PLEKHG1: variants seen among roughly 807,000 people sequenced by gnomAD.
PLEKHG1 encodes pleckstrin homology and RhoGEF domain containing G1.
In PLEKHG1, 44 loss-of-function variants were observed where a neutral mutation model predicts 100.8. The ratio of observed to expected loss-of-function variants is 0.44; its 90% CI spans 0.34 to 0.56. The LOEUF (loss-of-function observed/expected upper bound fraction) is 0.56, where lower values mean the gene tolerates loss of function less well. PLEKHG1 is among the 20% of genes least tolerant of loss of function. The probability of loss-of-function intolerance (pLI) is 0.01; values close to 1 mark genes in which losing one functional copy is unlikely to be tolerated. For synonymous variants in PLEKHG1, 640 were observed against 662.5 expected, an observed-to-expected ratio of 0.97 and a Z score of 0.52; for missense variants, 1,545 against 1,720.9, an observed-to-expected ratio of 0.90 and a Z score of 1.81.
In PLEKHG1 at chr6:150,831,888, G is replaced by A. The variant is rs760640018; in HGVS notation, c.2777G>A (p.Gly926Asp). 1.2e-6 allele frequency: 2 copies of A among 1,613,982 alleles called. No homozygotes were observed. The highest frequency in any genetic ancestry group is 1.7e-6 in the Non-Finnish European group (2 of 1,179,896). The change falls in exon 15 of 16, where the codon GGC (glycine) becomes GAC (aspartate). Residue 926 changes from glycine (G) to aspartate (D), a missense_variant. Physicochemically the swap from Gly to Asp is moderately conservative, Grantham distance 94. Coordinates refer to ENST00000358517, the Ensembl canonical transcript of PLEKHG1. This position sits in a 1 kb window ranked among gnomAD's most constrained non-coding sequence, Gnocchi z 4.1. ...GAGGAAGACCTGATTTCTAAAGAAG[G>A]CTCCTTTATGAGCCTTAACCGGCTT...
intron 2 of PLEKHG1, among the ~76,000 whole-genome samples, chr6:150,645,254 G>GCT (rs1778445523): frequency 6.6e-6 from 1 of 152,074 alleles, no homozygotes; most frequent in Non-Finnish European, 1.5e-5. Flanking sequence ...TGGGGTAATT[G>GCT]GTTATCCTTA....
chr6:150,703,266 C>G (rs1278522518), intron 3 of PLEKHG1, among the ~76,000 whole-genome samples: 1 of 152,140 alleles, frequency 6.6e-6, no homozygotes, highest in Non-Finnish European at 1.5e-5. Context: ...TTCTTAGATT[C>G]TGACTTGCTT....
chr6:150,757,676 A>T (rs1783918213), intron 2 of PLEKHG1, among the ~76,000 whole-genome samples: 1 of 152,126 alleles, frequency 6.6e-6, no homozygotes, highest in South Asian at 2.1e-4. Context: ...AGCCATAGTG[A>T]TAGGGATTCT....
intron 2 of PLEKHG1, among the ~76,000 whole-genome samples, chr6:150,751,210 C>T (rs1013746957): frequency 2.0e-5 from 3 of 151,868 alleles, no homozygotes; most frequent in Non-Finnish European, 2.9e-5. Context: ...ATTTACCTGA[C>T]GTGTCTTCAT....
intron 3 of PLEKHG1, among the ~76,000 whole-genome samples, chr6:150,676,918 C>CAGAG (rs1779775612): frequency 6.6e-6 from 1 of 152,074 alleles, no homozygotes; most frequent in African/African-American, 2.4e-5. Context: ...CTCCCTCCTC[C>CAGAG]CTCTCCTTCA....
At chr6:150,661,970 G>A (rs1327676673) in intron 3 of PLEKHG1, among the ~76,000 whole-genome samples, 2 of 152,164 alleles carry the variant, frequency 1.3e-5, no homozygotes, top group Non-Finnish European at 2.9e-5. Context: ...ATAAGGTAGA[G>A]GCCAGGATCC....
chr6:150,724,558 C>CTTTT lies in PLEKHG1; in HGVS notation c.-99+3374_-99+3377dup, dbSNP rs34140367. ...TTTCTTTCTTTTCTTTTTTCTTTTT[C>CTTTT]TTTTTTTTTTTTTTTTTTTGAGATG... On this transcript the variant is annotated intron_variant, in intron 1 of 15. Coordinates refer to ENST00000358517, the Ensembl canonical transcript of PLEKHG1. 5.9e-4 allele frequency among the ~76,000 whole-genome samples: 59 copies of CTTTT among 100,390 alleles called. 1 individual carries two copies. Among genetic ancestry groups the CTTTT allele is most frequent in the African/African-American group, 1.3e-3 (34 of 25,896 alleles). The allele number at this position is 100,390 out of a possible 152,430, so 65.9% of individuals were successfully genotyped here. A position where few individuals can be genotyped will look rare whatever the true frequency, so the allele number is the denominator to read the frequency against.
rs1786643214 is a variant in PLEKHG1 at position 150,800,714 on chromosome 6, T to G, written c.630-5T>G. Reference sequence around the variant, plus strand: ...TTTAGATAAAAACATGGACTCTTCCTGCAGGTCCGTGGCTGTGCTAACAGA... The same window carrying G: ...TTTAGATAAAAACATGGACTCTTCCGGCAGGTCCGTGGCTGTGCTAACAGA... On this transcript the variant is annotated splice_region_variant and splice_polypyrimidine_tract_variant and intron_variant, in intron 5 of 15. Coordinates refer to ENST00000358517, the Ensembl canonical transcript of PLEKHG1. 6.2e-7 allele frequency: 1 copy of G among 1,612,740 alleles called. No individual in the cohort carries two copies. Among genetic ancestry groups the G allele is most frequent in the East Asian group, 2.2e-5 (1 of 44,868 alleles).
At chr6:150,746,544 AC>A (rs1430882013) in intron 2 of PLEKHG1, among the ~76,000 whole-genome samples, 2 of 152,244 alleles carry the variant, frequency 1.3e-5, no homozygotes, top group African/African-American at 4.8e-5. Flanking sequence ...TTATAAGAAA[AC>A]AAAATGGCTT....
chr6:150,809,460 T>C lies in PLEKHG1; in HGVS notation c.1175T>C (p.Leu392Pro), dbSNP rs774591517. ...GTCTTCCACTACAAGAATCCCAAGC[T>C]GCAGCACACAGTCCAGGTAGCAGCC... The change falls in exon 9 of 16, where the codon CTG (leucine) becomes CCG (proline). Residue 392 changes from leucine to proline, a missense_variant. By Grantham distance (98) the Leu-to-Pro change is moderately conservative (BLOSUM62 -3). Transcript: ENST00000358517. 3 of 1,613,736 alleles carry C rather than the reference T, an allele frequency of 1.9e-6. No individual in the cohort carries two copies. In the South Asian group the frequency reaches 3.3e-5, roughly 18 times the overall value.
chr6:150,653,259 A>G (rs1172540933), intron 3 of PLEKHG1, among the ~76,000 whole-genome samples: 3 of 152,204 alleles, frequency 2.0e-5, no homozygotes, highest in African/African-American at 7.2e-5. Context: ...TATGGAACCT[A>G]GCTTGTATTA....
Position 150,634,785 on chromosome 6 carries a change from C to T in PLEKHG1, c.-203-3295C>T, listed in dbSNP as rs561254498. 2.0e-3 allele frequency among the ~76,000 whole-genome samples: 298 copies of T among 152,234 alleles called. 2 individuals carry two copies. Among genetic ancestry groups the T allele is most frequent in the African/African-American group, 6.9e-3 (286 of 41,538 alleles). On this transcript the variant is annotated intron_variant, in intron 1 of 3. Coordinates refer to the PLEKHG1 transcript ENST00000367326. ...GATTTTGTAGAGAACAGAACAAATG[C>T]TTGGAGATACGTCATCATTTTCATG... is the stretch of plus-strand genomic sequence containing the variant.
chr6:150,712,510 C>A (rs1186355353), intron 3 of PLEKHG1, among the ~76,000 whole-genome samples: 1 of 152,186 alleles, frequency 6.6e-6, no homozygotes, highest in African/African-American at 2.4e-5. Context: ...CTTCCTTTTT[C>A]TCTTCTTTCA....
At chr6:150,728,721 C>T (rs2128614256) in intron 1 of PLEKHG1, among the ~76,000 whole-genome samples, 1 of 152,182 alleles carries the variant, frequency 6.6e-6, no homozygotes. Context: ...CATGGTGAAA[C>T]CCCATCTCTA....
At chr6:150,748,598 CACTT>C (rs1049302289) in intron 2 of PLEKHG1, among the ~76,000 whole-genome samples, 14 of 148,474 alleles carry the variant, frequency 9.4e-5, no homozygotes, top group Non-Finnish European at 6.0e-5. Flanking sequence ...TCCTGGCTCT[CACTT>C]ACTACCTTTG....
Position 150,600,011 on chromosome 6 carries a change from T to C in PLEKHG1, c.-210T>C. The C allele has an allele frequency of 4.2e-6, 1 of 238,890 alleles. No individual in the cohort carries two copies. The highest frequency in any genetic ancestry group is 9.0e-6 in the Non-Finnish European group (1 of 111,002). The allele number at this position is 238,890 out of a possible 1,614,324, so 14.8% of individuals were successfully genotyped here. A position where few individuals can be genotyped will look rare whatever the true frequency, so the allele number is the denominator to read the frequency against. The stretch of plus-strand genomic sequence containing the variant: ...CCGCCCGGGCATGCGAAGCCGTCCC[T>C]CCCCGGGTAAGCGCCGGTCGGGCCC... On this transcript the variant is annotated 5_prime_UTR_variant, in exon 1 of 4. Coordinates refer to the PLEKHG1 transcript ENST00000367326. This position sits in a 1 kb window ranked among gnomAD's most constrained non-coding sequence, Gnocchi z 6.2.
Position 150,654,043 on chromosome 6 carries a change from T to A in PLEKHG1, c.-99+3257T>A, listed in dbSNP as rs77257989. On this transcript the variant is annotated intron_variant, in intron 3 of 3. Coordinates refer to the PLEKHG1 transcript ENST00000367326. ...AGATAATTTTCTGAACAAAATTGTC[T>A]CTACATTTTGTTCTGTGTGCCTTCT... Among the ~76,000 whole-genome samples the A allele has an allele frequency of 8.7e-3, 1,323 of 152,336 alleles. 16 individuals are homozygous for A. Among genetic ancestry groups the A allele is most frequent in the African/African-American group, 0.029 (1,217 of 41,566 alleles).
rs1780660753 is a variant in PLEKHG1, at chr6:150,699,031, C to T, written c.-98-34553C>T. On this transcript the variant is annotated intron_variant, in intron 3 of 3. Transcript: ENST00000367326. The stretch of plus-strand genomic sequence containing the variant: ...ATCTTGTTTGTTGCTTTTACATTAC[C>T]TTTTTACGTCTTCACGACCGAAATA... 2.0e-5 allele frequency among the ~76,000 whole-genome samples: 3 copies of T among 152,192 alleles called. No homozygotes were observed. In the South Asian group the frequency reaches 6.2e-4, roughly 32 times the overall value.
intron 3 of PLEKHG1, among the ~76,000 whole-genome samples, chr6:150,672,346 G>C (rs1433398089): frequency 6.6e-6 from 1 of 152,166 alleles, no homozygotes; most frequent in Non-Finnish European, 1.5e-5. Context: ...TGGAAGTCCA[G>C]TGCAAAGTCT....
Sources: allele counts gnomAD v4.1 joint callset (sites outside exome capture counted in the v4.1 genomes callset), GRCh38; gene constraint gnomAD v4.1.1; non-coding constraint Gnocchi (gnomAD v3.1); transcripts MANE v1.5; gene names NCBI Gene and HGNC (gene_info 2026-07-23, HGNC 2026-07-21).